Variants in PCDHA5 observed in about 807,000 individuals in gnomAD.
PCDHA5 encodes the protein protocadherin alpha-5.
A neutral mutation model predicts 61.6 loss-of-function variants in PCDHA5; 43 were observed. The observed-to-expected ratio is 0.70, with a 90% CI of 0.55 to 0.90. The LOEUF (loss-of-function observed/expected upper bound fraction) is 0.90, where lower values mean the gene tolerates loss of function less well. PCDHA5 is among the 40% of genes least tolerant of loss of function. The pLI, the probability that PCDHA5 is intolerant of heterozygous loss-of-function variation, is 0.00. For missense variants in PCDHA5, 1,298 were observed against 1,222.7 expected (o/e 1.06, Z -0.92); for synonymous variants, 627 against 543.9 (o/e 1.15, Z -2.13).
chr5:140,867,947 C>T (rs1197822100), intron 1 of PCDHA5: 3 of 152,114 alleles, frequency 2.0e-5, no homozygotes, highest in East Asian at 1.9e-4. Context: ...TGAACTTCTG[C>T]TCCCAAACCC....
intron 1 of PCDHA5, chr5:140,883,560 G>C: frequency 6.2e-7 from 1 of 1,614,184 alleles, no homozygotes; most frequent in South Asian, 1.1e-5. Flanking sequence ...CGGGACGGGG[G>C]CTCGCCTTCG....
intron 1 of PCDHA5, chr5:140,836,420 G>C (rs2150260462): frequency 6.2e-7 from 1 of 1,613,810 alleles, no homozygotes; most frequent in Non-Finnish European, 8.5e-7. Context: ...CAAAGGCGTC[G>C]TCGCGGGCAT....
At chr5:140,955,847 T>C (rs2095231839) in intron 1 of PCDHA5, among the ~76,000 whole-genome samples, 2 of 152,216 alleles carry the variant, frequency 1.3e-5, no homozygotes, top group Non-Finnish European at 2.9e-5. Context: ...TCATTCTCCT[T>C]GAAGAGGTCC....
At chr5:140,947,655 A>G (rs942849633) in intron 1 of PCDHA5, among the ~76,000 whole-genome samples, 3 of 151,542 alleles carry the variant, frequency 2.0e-5, no homozygotes, top group Non-Finnish European at 4.4e-5. Context: ...ATATACCTCC[A>G]TTTACTTGGG....
intron 1 of PCDHA5, chr5:140,966,679 G>C (rs1554228549): frequency 8.3e-6 from 11 of 1,317,564 alleles, no homozygotes; most frequent in East Asian, 3.0e-5. Context: ...AGGGTGGCAC[G>C]AGCGGAGGCG....
intron 1 of PCDHA5, among the ~76,000 whole-genome samples, chr5:140,897,453 C>T (rs1437046068): frequency 6.6e-6 from 1 of 151,162 alleles, no homozygotes; most frequent in African/African-American, 2.4e-5. Context: ...GTTTTTTGTC[C>T]TTGCGATAGT....
intron 1 of PCDHA5, among the ~76,000 whole-genome samples, chr5:140,920,583 C>T (rs1287573835): frequency 1.3e-5 from 2 of 152,106 alleles, no homozygotes; most frequent in African/African-American, 4.8e-5. Flanking sequence ...CAGTGGCTCA[C>T]GCCTGTAATC....
chr5:140,903,357 T>C (rs1554190932), intron 1 of PCDHA5, among the ~76,000 whole-genome samples: 1 of 152,166 alleles, frequency 6.6e-6, no homozygotes, highest in African/African-American at 2.4e-5. Flanking sequence ...AAACAAGTTT[T>C]TCAAAAATAT....
At position 140,855,909 on chromosome 5, in the gene PCDHA5, A is replaced by C. The variant is rs1554148009; in HGVS notation, c.2352+31782A>C. The stretch of plus-strand genomic sequence containing the variant: ...GAACAAAGGCATCAGCCAGTTTCTC[A>C]AGGACTAGGAAGTAGCGTCATTCTG... On this transcript the variant is annotated intron_variant, in intron 1 of 3. Coordinates refer to ENST00000529859, the MANE Select transcript of PCDHA5 (RefSeq NM_018908.3). The C allele has an allele frequency of 6.1e-6, 7 of 1,151,572 alleles. 1 individual carries two copies. The highest frequency in any genetic ancestry group is 4.6e-5 in the African/African-American group (3 of 65,014). 71.3% of individuals were successfully genotyped at this position (1,151,572 alleles called of 1,614,324 possible). A position where few individuals can be genotyped will look rare whatever the true frequency, so the allele number is the denominator to read the frequency against.
rs1299003245 is a variant in PCDHA5, at chr5:140,846,734, T to A, written c.2352+22607T>A. Among the ~76,000 whole-genome samples, 2 of 149,288 alleles carry A rather than the reference T, an allele frequency of 1.3e-5. 1 individual carries two copies. The highest frequency in any genetic ancestry group is 3.0e-5 in the Non-Finnish European group (2 of 66,808). On this transcript the variant is annotated intron_variant, in intron 1 of 3. Transcript: ENST00000529859. ...TAACCAGTCTTCATTAAACATTAAA[T>A]AGGACCCTTACAGATCTCTAACAGC...
intron 1 of PCDHA5, chr5:140,871,488 C>T (rs370808040): frequency 3.4e-5 from 54 of 1,591,050 alleles, no homozygotes; most frequent in Non-Finnish European, 4.5e-5. Flanking sequence ...CAAATCACCC[C>T]GGACAGGTGA....
chr5:140,841,787 G>T, intron 1 of PCDHA5: 1 of 1,613,878 alleles, frequency 6.2e-7, no homozygotes, highest in Non-Finnish European at 8.5e-7. Flanking sequence ...TCCGCTAGAG[G>T]GCGCGTCCGA....
At chr5:140,967,060 G>A in intron 1 of PCDHA5, 1 of 1,612,802 alleles carries the variant, frequency 6.2e-7, no homozygotes, top group Non-Finnish European at 8.5e-7. Flanking sequence ...CGAGTGGAGC[G>A]CTCTTCGTCA....
intron 1 of PCDHA5, among the ~76,000 whole-genome samples, chr5:140,941,235 C>CT: frequency 7.4e-6 from 1 of 135,248 alleles, no homozygotes; most frequent in Non-Finnish European, 1.6e-5. Context: ...TTCTTTCTTT[C>CT]TTTCTTTCTT....
intron 1 of PCDHA5, chr5:140,884,570 G>A (rs1174925238): frequency 6.2e-7 from 1 of 1,614,074 alleles, no homozygotes; most frequent in Non-Finnish European, 8.5e-7. Flanking sequence ...GCATAAGACG[G>A]ACCTCATGGC....
At chr5:140,958,301 TA>T (rs2095417556) in intron 1 of PCDHA5, among the ~76,000 whole-genome samples, 1 of 152,248 alleles carries the variant, frequency 6.6e-6, no homozygotes, top group African/African-American at 2.4e-5. Flanking sequence ...TGAACTTAAT[TA>T]AAATAAATTA....
intron 1 of PCDHA5, among the ~76,000 whole-genome samples, chr5:140,950,286 C>G (rs2094469059): frequency 6.6e-6 from 1 of 151,924 alleles, no homozygotes; most frequent in Non-Finnish European, 1.5e-5. Flanking sequence ...TTGCTTCAAC[C>G]TGAAAAACTT....
intron 1 of PCDHA5, chr5:140,884,440 G>T: frequency 1.2e-6 from 2 of 1,613,830 alleles, no homozygotes; most frequent in Non-Finnish European, 1.7e-6. Flanking sequence ...TGCGGTGCTC[G>T]GCACCGCCCA....
At chr5:140,946,540 T>G (rs1182532418) in intron 1 of PCDHA5, among the ~76,000 whole-genome samples, 1 of 150,344 alleles carries the variant, frequency 6.7e-6, no homozygotes, top group African/African-American at 2.5e-5. Context: ...CATTGCAGCA[T>G]TATTCATGAT....
Sources: allele counts gnomAD v4.1 joint callset (sites outside exome capture counted in the v4.1 genomes callset), GRCh38; gene constraint gnomAD v4.1.1; transcripts MANE v1.5; gene names NCBI Gene and HGNC (gene_info 2026-07-23, HGNC 2026-07-21).